FAM220A: variants seen among roughly 807,000 people sequenced by gnomAD.
FAM220A encodes the protein protein FAM220A.
For missense variants in FAM220A, 392 were observed against 321.6 expected, an observed-to-expected ratio of 1.22 and a Z score of -1.68; for synonymous variants, 141 against 130.7, an observed-to-expected ratio of 1.08 and a Z score of -0.54.
Position 6,329,715 on chromosome 7 carries a change from G to A in FAM220A, c.*660C>T, listed in dbSNP as rs1781589688. On this transcript the variant is annotated 3_prime_UTR_variant, in exon 2 of 2. Transcript: ENST00000313324. ...GGGAAATAACTCGATTTGCTTCTCTGTAACTGAGCTACTTTTTTCTCGAGC... is the reference window on the plus strand; with the variant it reads ...GGGAAATAACTCGATTTGCTTCTCTATAACTGAGCTACTTTTTTCTCGAGC... The A allele has an allele frequency of 6.0e-6, 1 of 166,212 alleles. No individual in the cohort carries two copies. Among genetic ancestry groups the A allele is most frequent in the Non-Finnish European group, 1.5e-5 (1 of 68,164 alleles). 10.3% of individuals were successfully genotyped at this position (166,212 alleles called of 1,614,324 possible).
intron 1 of FAM220A, among the ~76,000 whole-genome samples, chr7:6,338,990 C>T (rs1381573703): frequency 1.3e-5 from 2 of 152,194 alleles, no homozygotes; most frequent in Non-Finnish European, 2.9e-5. Context: ...CACACCTTAA[C>T]TCACTGTGCT....
At chr7:6,334,501 T>C (rs1781707177) in intron 1 of FAM220A, among the ~76,000 whole-genome samples, 1 of 152,114 alleles carries the variant, frequency 6.6e-6, no homozygotes, top group African/African-American at 2.4e-5. Context: ...GGAGTCTCAC[T>C]CTGTCACCCA....
At chr7:6,341,529 AT>A (rs1347344935) in intron 1 of FAM220A, among the ~76,000 whole-genome samples, 1 of 149,228 alleles carries the variant, frequency 6.7e-6, no homozygotes, top group Non-Finnish European at 1.5e-5. Context: ...CTAAAAAAAA[AT>A]TTTTTTTAAA....
intron 1 of FAM220A, among the ~76,000 whole-genome samples, chr7:6,339,320 T>C (rs1487038418): frequency 6.6e-6 from 1 of 151,778 alleles, no homozygotes; most frequent in Non-Finnish European, 1.5e-5. Flanking sequence ...AATTAAAAAA[T>C]TAGCTGGGTG....
At chr7:6,339,897 C>G (rs536184893) in intron 1 of FAM220A, among the ~76,000 whole-genome samples, 2 of 149,424 alleles carry the variant, frequency 1.3e-5, no homozygotes, top group African/African-American at 2.5e-5. Flanking sequence ...ACTGACTTTC[C>G]GCAGGGAGCA....
At position 6,332,795 on chromosome 7, in the gene FAM220A, C is replaced by G. The variant is rs548749758; in HGVS notation, c.-81-1560G>C. On this transcript the variant is annotated intron_variant, in intron 1 of 1. Transcript: ENST00000313324. ...GGATGGAGAAATGGCAGGTAGGAAA[C>G]TGCTGTTTCTCTAATCTTATGGAAC... 2.6e-5 allele frequency among the ~76,000 whole-genome samples: 4 copies of G among 152,314 alleles called. No homozygotes were observed. The East Asian group carries it at 7.7e-4, about 29-fold the overall frequency.
rs921828566 is a variant in FAM220A at position 6,348,902 on chromosome 7, C to T, written c.-411G>A. 3.9e-5 allele frequency: 15 copies of T among 387,014 alleles called. No homozygotes were observed. Among genetic ancestry groups the T allele is most frequent in the Non-Finnish European group, 6.8e-5 (15 of 219,204 alleles). The allele number at this position is 387,014 out of a possible 1,614,324, so 24.0% of individuals were successfully genotyped here. ...CGGGCGGGCCGCAGTGGAGCGGAGT[C>T]CGCACGTCACGCTCGGAGAAGTGCC... On this transcript the variant is annotated 5_prime_UTR_variant, in exon 1 of 2. Transcript: ENST00000313324.
intron 1 of FAM220A, among the ~76,000 whole-genome samples, chr7:6,347,889 A>G (rs1781984353): frequency 1.2e-5 from 1 of 82,194 alleles, no homozygotes; most frequent in African/African-American, 4.8e-5. Context: ...CCCCTTTATT[A>G]TTATTATTAT....
intron 1 of FAM220A, among the ~76,000 whole-genome samples, chr7:6,343,226 A>G (rs1781897119): frequency 6.7e-6 from 1 of 150,228 alleles, no homozygotes; most frequent in Non-Finnish European, 1.5e-5. Context: ...AAAATACAAT[A>G]ATTAGCTGGG....
intron 1 of FAM220A, among the ~76,000 whole-genome samples, chr7:6,332,966 A>C (rs778757051): frequency 2.0e-5 from 3 of 152,008 alleles, no homozygotes; most frequent in Non-Finnish European, 4.4e-5. Context: ...CGAGACAAGC[A>C]TGGTCAACAT....
At chr7:6,340,884 G>C (rs1198352228) in intron 1 of FAM220A, among the ~76,000 whole-genome samples, 1 of 126,060 alleles carries the variant, frequency 7.9e-6, no homozygotes, top group South Asian at 3.0e-4. Flanking sequence ...GGGCGACAGA[G>C]TGAGACTCCA....
chr7:6,342,968 T>C (rs1781890110), intron 1 of FAM220A, among the ~76,000 whole-genome samples: 1 of 150,104 alleles, frequency 6.7e-6, no homozygotes. Context: ...GTCCAGGAGC[T>C]GGAGGCTGTA....
chr7:6,341,246 C>A (rs138268440), intron 1 of FAM220A, among the ~76,000 whole-genome samples: 3,481 of 151,438 alleles, frequency 0.023, 66 homozygotes, highest in Middle Eastern at 0.055. Flanking sequence ...AGATTGAGAC[C>A]ATCCTGGCTA....
At position 6,330,837 on chromosome 7, in the gene FAM220A, C is replaced by G. The variant is rs1301661892; in HGVS notation, c.318G>C (p.Leu106Phe). ...CAAAACACTCTGTTGGAGCAGGGAA[C>G]AAACCCACGGCTGTGCTCGGAGTGG... ...SAATPSTAVG[L>F]FPAPTECFAR... The change falls in exon 2 of 2, where the codon TTG becomes TTC. Residue 106 changes from leucine to phenylalanine, a missense_variant. Coordinates refer to ENST00000313324, the MANE Select transcript of FAM220A (RefSeq NM_001037163.2). 3 of 1,614,086 alleles carry G rather than the reference C, an allele frequency of 1.9e-6. No individual in the cohort carries two copies. The highest frequency in any genetic ancestry group is 2.5e-6 in the Non-Finnish European group (3 of 1,180,042).
rs1229185447 is a variant in FAM220A at position 6,334,063 on chromosome 7, GAA to G, written c.-81-2830_-81-2829del. On this transcript the variant is annotated intron_variant, in intron 1 of 1. Transcript: ENST00000313324. ...GGGTTTCACCATGTTAGCCAGGATG[GAA>G]TCTATCTCCTGACCTCGTGATCCGC... Among the ~76,000 whole-genome samples the G allele has an allele frequency of 8.6e-4, 130 of 151,056 alleles. 1 individual carries two copies. The South Asian group carries it at 0.012, about 14-fold the overall frequency.
rs887073945 is a variant in FAM220A, at chr7:6,348,958, C to A, written c.-467G>T. 2.7e-6 allele frequency: 1 copy of A among 377,222 alleles called. No individual in the cohort carries two copies. The highest frequency in any genetic ancestry group is 4.7e-6 in the Non-Finnish European group (1 of 213,056). The allele number at this position is 377,222 out of a possible 1,614,324, so 23.4% of individuals were successfully genotyped here. On this transcript the variant is annotated 5_prime_UTR_variant, in exon 1 of 2. Coordinates refer to ENST00000313324, the MANE Select transcript of FAM220A (RefSeq NM_001037163.2). Reference sequence around the variant, plus strand: ...GAGCAGCCGCCTGTACCAGCCTGGCCGCGCAGCCTGACGTCACAAAGCCAG... The same window carrying A: ...GAGCAGCCGCCTGTACCAGCCTGGCAGCGCAGCCTGACGTCACAAAGCCAG...
At chr7:6,340,378 A>G (rs11505570) in intron 1 of FAM220A, among the ~76,000 whole-genome samples, 63,680 of 151,918 alleles carry the variant, frequency 0.42, 14,050 homozygotes, top group East Asian at 0.88. Context: ...GCGGTGGAGG[A>G]CGGAGAAGCG....
intron 1 of FAM220A, among the ~76,000 whole-genome samples, chr7:6,331,609 T>C (rs1002993745): frequency 6.6e-6 from 1 of 152,066 alleles, no homozygotes; most frequent in Non-Finnish European, 1.5e-5. Flanking sequence ...CTCCATCTCC[T>C]GACCTCATGA....
At chr7:6,344,481 G>A (rs917343924) in intron 1 of FAM220A, among the ~76,000 whole-genome samples, 12 of 152,068 alleles carry the variant, frequency 7.9e-5, no homozygotes, top group African/African-American at 1.4e-4. Flanking sequence ...GGAGTACAGT[G>A]GTACAATTAT....
Sources: allele counts gnomAD v4.1 joint callset (sites outside exome capture counted in the v4.1 genomes callset), GRCh38; gene constraint gnomAD v4.1.1; transcripts MANE v1.5; gene names NCBI Gene and HGNC (gene_info 2026-07-23, HGNC 2026-07-21).